Variants in KIF6 observed in about 807,000 individuals in gnomAD.
The protein encoded by KIF6 is kinesin-like protein KIF6.
KIF6 carries 106 observed loss-of-function variants against 112.7 expected under a neutral mutation model. That is an observed-to-expected ratio of 0.94 (90% CI 0.80 to 1.11). The LOEUF (loss-of-function observed/expected upper bound fraction) is 1.11, where lower values mean the gene tolerates loss of function less well. Ranked by LOEUF, KIF6 falls within the 50% of genes least tolerant of loss-of-function variation. The pLI, the probability that KIF6 is intolerant of heterozygous loss-of-function variation, is 0.00. For synonymous variants in KIF6, 339 were observed against 339.9 expected, an observed-to-expected ratio of 1.00 and a Z score of 0.03; for missense variants, 929 against 964.0, an observed-to-expected ratio of 0.96 and a Z score of 0.48.
Position 39,337,155 on chromosome 6 carries a change from T to TTTCTTTC in KIF6, c.2429-608_2429-607insGAAAGAA, listed in dbSNP as rs1554195028. On this transcript the variant is annotated intron_variant, in intron 22 of 22. Coordinates refer to ENST00000287152, the MANE Select transcript of KIF6 (RefSeq NM_145027.6). ...TCCTTCCTTCCTTCCTTTCTCTTTC[T>TTTCTTTC]TTTCTTTCTTTCCTTCCTTCTTTCT... Among the ~76,000 whole-genome samples, 44 of 53,698 alleles carry TTTCTTTC rather than the reference T, an allele frequency of 8.2e-4. 3 individuals carry two copies. The highest frequency in any genetic ancestry group is 9.4e-4 in the Non-Finnish European group (28 of 29,934). 35.2% of individuals were successfully genotyped at this position (53,698 alleles called of 152,430 possible). A position where few individuals can be genotyped will look rare whatever the true frequency, so the allele number is the denominator to read the frequency against.
At chr6:39,447,008 C>G (rs559445495) in intron 13 of KIF6, among the ~76,000 whole-genome samples, 3 of 152,280 alleles carry the variant, frequency 2.0e-5, no homozygotes, top group Admixed American at 2.0e-4. Context: ...AATAATGAGT[C>G]ACCTAAAAAC....
intron 3 of KIF6, among the ~76,000 whole-genome samples, chr6:39,709,260 T>G (rs3008847): frequency 0.32 from 49,471 of 152,224 alleles, 9,329 homozygotes; most frequent in Non-Finnish European, 0.41. Context: ...GGACTGGTTT[T>G]GTGGAAGACA....
chr6:39,353,723 C>A, intron 19 of KIF6: 1 of 205,852 alleles, frequency 4.9e-6, no homozygotes, highest in South Asian at 7.6e-5. Context: ...GAATGTGAGG[C>A]AGTGAGAGGG....
intron 3 of KIF6, among the ~76,000 whole-genome samples, chr6:39,689,098 C>A (rs1788032925): frequency 6.6e-6 from 1 of 151,504 alleles, no homozygotes; most frequent in Admixed American, 6.6e-5. Context: ...AGCCTGGTGA[C>A]AGTGTGAGAC....
At chr6:39,720,008 A>G (rs1790112523) in intron 2 of KIF6, among the ~76,000 whole-genome samples, 1 of 152,130 alleles carries the variant, frequency 6.6e-6, no homozygotes, top group Non-Finnish European at 1.5e-5. Context: ...AATAAATAAA[A>G]CTTTAAGAAA....
chr6:39,567,843 G>A (rs944784492), intron 10 of KIF6, among the ~76,000 whole-genome samples: 3 of 152,220 alleles, frequency 2.0e-5, no homozygotes, highest in Admixed American at 6.5e-5. Flanking sequence ...TCCTGACCTC[G>A]TGATCCGCCC....
At chr6:39,482,068 A>G (rs1326917462) in intron 13 of KIF6, among the ~76,000 whole-genome samples, 1 of 151,814 alleles carries the variant, frequency 6.6e-6, no homozygotes, top group Non-Finnish European at 1.5e-5. Flanking sequence ...GGAGGCAGCA[A>G]TATCAACCAC....
At chr6:39,429,399 G>A (rs1770979432) in intron 14 of KIF6, among the ~76,000 whole-genome samples, 1 of 151,984 alleles carries the variant, frequency 6.6e-6, no homozygotes, top group South Asian at 2.1e-4. Context: ...ATCTTGATTT[G>A]TTTTTCCATT....
intron 10 of KIF6, among the ~76,000 whole-genome samples, chr6:39,559,965 C>T (rs1779926292): frequency 6.6e-6 from 1 of 152,116 alleles, no homozygotes; most frequent in Non-Finnish European, 1.5e-5. Context: ...GCAAATATTG[C>T]ACCAGACATA....
At chr6:39,553,415 T>C (rs1269968217) in intron 10 of KIF6, among the ~76,000 whole-genome samples, 1 of 152,238 alleles carries the variant, frequency 6.6e-6, no homozygotes, top group African/African-American at 2.4e-5. Flanking sequence ...TTTTAGTGAT[T>C]TGAAATAGCA....
chr6:39,527,965 T>C (rs947922601), intron 13 of KIF6, among the ~76,000 whole-genome samples: 2 of 152,254 alleles, frequency 1.3e-5, no homozygotes, highest in African/African-American at 4.8e-5. Flanking sequence ...TTATCATTTC[T>C]TTGTGGTCAG....
intron 3 of KIF6, among the ~76,000 whole-genome samples, chr6:39,653,449 A>C (rs1397763747): frequency 6.6e-6 from 1 of 152,212 alleles, no homozygotes; most frequent in African/African-American, 2.4e-5. Flanking sequence ...CTAAAGGCAG[A>C]TATGAAAGGA....
intron 22 of KIF6, among the ~76,000 whole-genome samples, chr6:39,338,862 G>A (rs747876885): frequency 6.6e-5 from 10 of 151,678 alleles, no homozygotes; most frequent in Non-Finnish European, 1.3e-4. Flanking sequence ...GAACGCTGCC[G>A]GTGGTAGGGA....
chr6:39,511,153 A>T (rs1776759707), intron 13 of KIF6, among the ~76,000 whole-genome samples: 1 of 152,184 alleles, frequency 6.6e-6, no homozygotes, highest in Admixed American at 6.5e-5. Context: ...AGACAGATCA[A>T]TGAGACAGAA....
chr6:39,566,766 T>C (rs536983095), intron 10 of KIF6, among the ~76,000 whole-genome samples: 2 of 152,336 alleles, frequency 1.3e-5, no homozygotes, highest in South Asian at 2.1e-4. Flanking sequence ...AGGGAGAACA[T>C]TTGTTTTTAA....
At position 39,720,780 on chromosome 6, in the gene KIF6, A is replaced by G. The variant is rs372712740; in HGVS notation, c.98T>C (p.Ile33Thr). 24 of 1,601,988 alleles carry G rather than the reference A, an allele frequency of 1.5e-5. No individual in the cohort carries two copies. The highest frequency in any genetic ancestry group is 1.7e-5 in the Non-Finnish European group (20 of 1,169,152). The change falls in exon 2 of 23, where the codon ATA (isoleucine) becomes ACA (threonine). Residue 33 changes from isoleucine to threonine, a missense_variant. This residue lies in a region of KIF6 where 688 missense variants were observed against 662.7 expected (regional missense o/e 1.04). Coordinates refer to ENST00000287152, the MANE Select transcript of KIF6 (RefSeq NM_145027.6). ...IYSIDEDEKL[I>T]PSLEIILPRD... ...TGGTAAGATGATTTCCAAGCTAGGT[A>G]TTAATTTTTCATCTTCATCTATGGA... is the stretch of plus-strand genomic sequence containing the variant.
At chr6:39,668,310 C>G (rs1786602891) in intron 3 of KIF6, among the ~76,000 whole-genome samples, 1 of 152,082 alleles carries the variant, frequency 6.6e-6, no homozygotes, top group Non-Finnish European at 1.5e-5. Context: ...TTCAACTGTA[C>G]CTTAAATAAT....
intron 13 of KIF6, among the ~76,000 whole-genome samples, chr6:39,449,638 T>C (rs1562227044): frequency 6.6e-6 from 1 of 152,208 alleles, no homozygotes; most frequent in Non-Finnish European, 1.5e-5. Flanking sequence ...TTGTATGGAA[T>C]GAAAACTCCT....
intron 13 of KIF6, among the ~76,000 whole-genome samples, chr6:39,480,537 T>C (rs1211800826): frequency 6.6e-6 from 1 of 152,050 alleles, no homozygotes; most frequent in African/African-American, 2.4e-5. Flanking sequence ...TATTGTCCTT[T>C]CCTGGTTTTG....
Sources: allele counts gnomAD v4.1 joint callset (sites outside exome capture counted in the v4.1 genomes callset), GRCh38; gene constraint gnomAD v4.1.1; regional missense constraint gnomAD v4.1.1; transcripts MANE v1.5; gene names NCBI Gene and HGNC (gene_info 2026-07-23, HGNC 2026-07-21).